Variants in TMEM74 observed in about 807,000 individuals in gnomAD.
The protein encoded by TMEM74 is transmembrane protein 74.
A neutral mutation model predicts 18.1 loss-of-function variants in TMEM74; 13 were observed. The ratio of observed to expected loss-of-function variants is 0.72; its 90% CI spans 0.47 to 1.14. TMEM74 has a LOEUF of 1.14. Ranked by LOEUF, TMEM74 falls within the 50% of genes most tolerant of loss-of-function variation. The probability of loss-of-function intolerance (pLI) is 0.00; values close to 1 mark genes in which losing one functional copy is unlikely to be tolerated. For synonymous variants in TMEM74, 159 were observed against 146.6 expected, an observed-to-expected ratio of 1.08 and a Z score of -0.61; for missense variants, 372 against 375.9, an observed-to-expected ratio of 0.99 and a Z score of 0.09.
chr8:108,773,515 A>C (rs1426412059), intron 1 of TMEM74, among the ~76,000 whole-genome samples: 2 of 152,222 alleles, frequency 1.3e-5, no homozygotes, highest in Non-Finnish European at 2.9e-5. Context: ...CTAAAACGGT[A>C]GAGCCTAGTT....
intron 2 of TMEM74, chr8:108,652,627 G>A (rs1796184845): frequency 4.8e-6 from 3 of 628,608 alleles, no homozygotes; most frequent in Admixed American, 4.6e-5. Context: ...AGTAAAGAAG[G>A]CAAAAGAAAG....
At chr8:108,755,229 G>A (rs1467887199) in intron 1 of TMEM74, among the ~76,000 whole-genome samples, 3 of 152,058 alleles carry the variant, frequency 2.0e-5, no homozygotes, top group East Asian at 1.9e-4. Flanking sequence ...CTACCTGAGT[G>A]AGGCTTGAAG....
chr8:108,721,311 A>G (rs1813585453), intron 1 of TMEM74, among the ~76,000 whole-genome samples: 1 of 152,184 alleles, frequency 6.6e-6, no homozygotes, highest in Admixed American at 6.5e-5. Flanking sequence ...AATCTTATCA[A>G]ATTCCAGCTG....
chr8:108,754,333 A>G (rs1813934364), intron 1 of TMEM74, among the ~76,000 whole-genome samples: 1 of 152,110 alleles, frequency 6.6e-6, no homozygotes, highest in South Asian at 2.1e-4. Flanking sequence ...TAAAAATAAT[A>G]AACACATATT....
chr8:108,764,427 G>A (rs1586289588), intron 1 of TMEM74, among the ~76,000 whole-genome samples: 1 of 152,150 alleles, frequency 6.6e-6, no homozygotes, highest in South Asian at 2.1e-4. Flanking sequence ...GGTTAAAAAG[G>A]TGAGAATAAA....
chr8:108,713,187 T>C (rs3019347), intron 1 of TMEM74, among the ~76,000 whole-genome samples: 58,592 of 151,882 alleles, frequency 0.39, 11,700 homozygotes, highest in East Asian at 0.6. Context: ...ATTTTGGCAA[T>C]TTGGCTAAAA....
At chr8:108,749,645 T>C (rs1054074156) in intron 1 of TMEM74, among the ~76,000 whole-genome samples, 3 of 152,270 alleles carry the variant, frequency 2.0e-5, no homozygotes, top group Non-Finnish European at 4.4e-5. Flanking sequence ...CCTTTATTTC[T>C]TTCTCTTACC....
At chr8:108,662,451 T>C (rs1468565664) in intron 1 of TMEM74, among the ~76,000 whole-genome samples, 5 of 151,608 alleles carry the variant, frequency 3.3e-5, no homozygotes, top group Non-Finnish European at 7.4e-5. Flanking sequence ...GAAAGGGAGT[T>C]GCTCTTATTG....
intron 1 of TMEM74, among the ~76,000 whole-genome samples, chr8:108,736,739 A>G (rs1813753014): frequency 6.6e-6 from 1 of 152,138 alleles, no homozygotes; most frequent in African/African-American, 2.4e-5. Flanking sequence ...AAGCCTTGAA[A>G]AACTTTCACC....
Position 108,757,378 on chromosome 8 carries a change from A to T in TMEM74, n.119+30098T>A, listed in dbSNP as rs776211888. 3.9e-4 allele frequency among the ~76,000 whole-genome samples: 60 copies of T among 152,210 alleles called. 1 individual carries two copies. The highest frequency in any genetic ancestry group is 3.4e-3 in the Middle Eastern group (1 of 294). ...TCTTAAAAGAAATAACACTCTTTGT[A>T]TTCTTATATTCCATCCAATTGTATA... On this transcript the variant is annotated intron_variant and non_coding_transcript_variant, in intron 1 of 3. Transcript: ENST00000518838.
chr8:108,646,744 G>C (rs995265594), intron 2 of TMEM74, among the ~76,000 whole-genome samples: 1 of 152,108 alleles, frequency 6.6e-6, no homozygotes, highest in African/African-American at 2.4e-5. Flanking sequence ...TAGCTAACTT[G>C]ATTGTCTTTG....
chr8:108,747,114 G>A (rs1813855786), intron 1 of TMEM74, among the ~76,000 whole-genome samples: 1 of 152,128 alleles, frequency 6.6e-6, no homozygotes, highest in South Asian at 2.1e-4. Flanking sequence ...ATTGGTGCCT[G>A]AAGTGGACAC....
chr8:108,679,070 C>A (rs542165695), intron 1 of TMEM74, among the ~76,000 whole-genome samples: 1 of 152,236 alleles, frequency 6.6e-6, no homozygotes, highest in Admixed American at 6.5e-5. Context: ...CTACAAAGGA[C>A]ATGAACTCTT....
At chr8:108,610,600 T>G (rs1225904950) in intron 2 of TMEM74, among the ~76,000 whole-genome samples, 1 of 152,174 alleles carries the variant, frequency 6.6e-6, no homozygotes, top group East Asian at 1.9e-4. Flanking sequence ...GGGTAGAACT[T>G]AAAGAGTCAA....
chr8:108,780,589 C>T lies in TMEM74; in HGVS notation c.*3592G>A, dbSNP rs574880936. ...AAATTGTACCTTGAAGGGCATGTGC[C>T]AGCACTGGTCCAATTGGGTCCCTAA... On this transcript the variant is annotated 3_prime_UTR_variant, in exon 2 of 2. Transcript: ENST00000297459. 3.9e-5 allele frequency among the ~76,000 whole-genome samples: 6 copies of T among 152,264 alleles called. No individual in the cohort carries two copies. The highest frequency in any genetic ancestry group is 1.2e-4 in the African/African-American group (5 of 41,548).
rs138453082 is a variant in TMEM74, at chr8:108,652,488, C to T, written n.264+2805G>A. 2.2e-5 allele frequency: 9 copies of T among 406,768 alleles called. No homozygotes were observed. The East Asian group carries it at 4.3e-4, about 20-fold the overall frequency. 25.2% of individuals were successfully genotyped at this position (406,768 alleles called of 1,614,324 possible). Reference sequence around the variant, plus strand: ...AGTTTCTGCAGATTGATGCAGAATGCAAATGCCAGGAGGGAGAGACCCTGA... The same window carrying T: ...AGTTTCTGCAGATTGATGCAGAATGTAAATGCCAGGAGGGAGAGACCCTGA... On this transcript the variant is annotated intron_variant and non_coding_transcript_variant, in intron 2 of 3. Coordinates refer to the TMEM74 transcript ENST00000518838.
At chr8:108,665,991 CA>C (rs1418550795) in intron 1 of TMEM74, among the ~76,000 whole-genome samples, 1 of 152,060 alleles carries the variant, frequency 6.6e-6, no homozygotes, top group Non-Finnish European at 1.5e-5. Context: ...CTTACATTGC[CA>C]AAACAATTTT....
intron 2 of TMEM74, among the ~76,000 whole-genome samples, chr8:108,638,807 G>A (rs1034082497): frequency 4.6e-5 from 7 of 152,060 alleles, no homozygotes; most frequent in Non-Finnish European, 7.4e-5. Flanking sequence ...TGGGCTGATC[G>A]CATTAATAGT....
chr8:108,750,696 C>T (rs914041422), intron 1 of TMEM74, among the ~76,000 whole-genome samples: 6 of 152,092 alleles, frequency 3.9e-5, no homozygotes, highest in Non-Finnish European at 8.8e-5. Context: ...GAAGGAAAAT[C>T]TCAAATGGGC....
Sources: gnomAD v4.1 joint callset for allele counts (sites outside exome capture counted in the v4.1 genomes callset) on GRCh38, gnomAD v4.1.1 for gene constraint, MANE v1.5 for transcripts, NCBI Gene and HGNC (gene_info 2026-07-23, HGNC 2026-07-21) for gene names.